Variants in TMEM230 observed in about 807,000 individuals in gnomAD.
The protein encoded by TMEM230 is transmembrane protein 230, also known as UPF0414 transmembrane protein C20orf30.
A neutral mutation model predicts 15.8 loss-of-function variants in TMEM230; 10 were observed. The observed-to-expected ratio is 0.63, with a 90% CI of 0.39 to 1.07. The LOEUF (loss-of-function observed/expected upper bound fraction) is 1.07, where lower values mean the gene tolerates loss of function less well. Among genes scored for constraint, TMEM230 ranks in the 50% least tolerant of loss-of-function variants. The pLI is 0.01. For missense variants in TMEM230, 165 were observed against 193.3 expected (o/e 0.85, Z 0.87); for synonymous variants, 67 against 76.9 (o/e 0.87, Z 0.68).
At chr20:5,110,026 C>T (rs184990393) in intron 2 of TMEM230, among the ~76,000 whole-genome samples, 25 of 152,118 alleles carry the variant, frequency 1.6e-4, no homozygotes, top group Admixed American at 9.8e-4. Flanking sequence ...AGTTTCTTGC[C>T]GTAAATTTGT....
chr20:5,102,716 T>G (rs1600385523), intron 4 of TMEM230, among the ~76,000 whole-genome samples: 1 of 146,316 alleles, frequency 6.8e-6, no homozygotes, highest in East Asian at 2.1e-4. Flanking sequence ...AAAAGAATAC[T>G]AATCCTACTG....
chr20:5,098,250 C>T (rs1381474134), downstream of TMEM230: 1 of 152,166 alleles, frequency 6.6e-6, no homozygotes, highest in Non-Finnish European at 1.5e-5. Context: ...GCGGGGATTA[C>T]AGGCATGAGC....
At chr20:5,093,907 A>G (rs2089586086) in intron 3 of TMEM230, among the ~76,000 whole-genome samples, 1 of 151,390 alleles carries the variant, frequency 6.6e-6, no homozygotes, top group African/African-American at 2.4e-5. Context: ...ATCCCAAAAC[A>G]GGGGAAACTT....
downstream of TMEM230, among the ~76,000 whole-genome samples, chr20:5,095,923 C>T (rs1447244129): frequency 6.6e-6 from 1 of 152,228 alleles, no homozygotes; most frequent in Non-Finnish European, 1.5e-5. Context: ...TCTGATGATG[C>T]TCCAGATCTA....
chr20:5,081,854 C>T (rs2089183125), intron 3 of TMEM230, among the ~76,000 whole-genome samples: 1 of 145,096 alleles, frequency 6.9e-6, no homozygotes, highest in African/African-American at 2.6e-5. Flanking sequence ...GTTTGAAATT[C>T]ACTGATTTTC....
At chr20:5,086,370 T>G (rs1178102156) in intron 3 of TMEM230, among the ~76,000 whole-genome samples, 3 of 151,584 alleles carry the variant, frequency 2.0e-5, no homozygotes, top group African/African-American at 7.3e-5. Flanking sequence ...AAGCCCCATC[T>G]CTACTAAAAA....
chr20:5,101,786 A>G (rs1404516621), intron 4 of TMEM230, among the ~76,000 whole-genome samples: 1 of 152,200 alleles, frequency 6.6e-6, no homozygotes, highest in Non-Finnish European at 1.5e-5. Flanking sequence ...CAACTTGGAC[A>G]CTGTGTATGT....
chr20:5,062,720 G>A, the TMEM230 span, among the ~76,000 whole-genome samples: 5 of 152,074 alleles, frequency 3.3e-5, no homozygotes, highest in Non-Finnish European at 5.9e-5. Context: ...CCCTGACAGT[G>A]CCACTGCATT....
the TMEM230 span, chr20:5,061,039 T>C: frequency 1.3e-5 from 2 of 152,318 alleles, no homozygotes; most frequent in South Asian, 4.1e-4. Flanking sequence ...CATGGGAGTG[T>C]AGTATACAGT....
the TMEM230 span, among the ~76,000 whole-genome samples, chr20:5,060,159 G>A: frequency 2.0e-5 from 3 of 151,902 alleles, no homozygotes; most frequent in African/African-American, 7.3e-5. Context: ...CAATCCTCCC[G>A]CCTTGGCCTC....
chr20:5,091,489 G>T (rs1164196903), intron 3 of TMEM230, among the ~76,000 whole-genome samples: 1 of 152,144 alleles, frequency 6.6e-6, no homozygotes, highest in Non-Finnish European at 1.5e-5. Flanking sequence ...GGGATTACAG[G>T]TGTGAGCCAC....
intron 3 of TMEM230, among the ~76,000 whole-genome samples, chr20:5,074,269 T>G (rs2088918366): frequency 6.6e-6 from 1 of 152,184 alleles, no homozygotes; most frequent in African/African-American, 2.4e-5. Context: ...AAATTTCCAT[T>G]TGTAAGGGTG....
intron 3 of TMEM230, chr20:5,069,485 G>A: frequency 2.3e-6 from 2 of 865,594 alleles, no homozygotes; most frequent in East Asian, 5.4e-5. Flanking sequence ...GTGTGAGGCA[G>A]GAGCTCAAGA....
Position 5,069,351 on chromosome 20 carries a change from T to C in TMEM230, c.223-2A>G. The C allele has an allele frequency of 1.3e-6, 2 of 1,529,182 alleles. No homozygotes were observed. The highest frequency in any genetic ancestry group is 1.7e-6 in the Non-Finnish European group (2 of 1,144,814). 94.7% of individuals were successfully genotyped at this position (1,529,182 alleles called of 1,614,324 possible). ...TTCCCGTGAGGTGGATTCGAGACTC[T>C]GAGAAAGAAACACCCCTTCTCAATT... is the stretch of plus-strand genomic sequence containing the variant. On this transcript the variant is annotated splice_acceptor_variant, in intron 3 of 3. Transcript: ENST00000612323. LOFTEE classifies it high-confidence loss of function.
rs185030483 is a variant in TMEM230, at chr20:5,073,173, T to G, written c.223-3824A>C. On this transcript the variant is annotated intron_variant, in intron 3 of 3. Transcript: ENST00000612323. Reference sequence around the variant, plus strand: ...TTATCCTTCTTCAAAGCAAGAGATCTGGACTTTCTTCCTCCCACACTATCA... The same window carrying G: ...TTATCCTTCTTCAAAGCAAGAGATCGGGACTTTCTTCCTCCCACACTATCA... Among the ~76,000 whole-genome samples, 47 of 152,272 alleles carry G rather than the reference T, an allele frequency of 3.1e-4. No individual in the cohort carries two copies. The East Asian group carries it at 7.9e-3, about 26-fold the overall frequency.
intron 3 of TMEM230, among the ~76,000 whole-genome samples, chr20:5,085,751 G>A (rs1029628330): frequency 2.0e-5 from 3 of 152,156 alleles, no homozygotes; most frequent in African/African-American, 7.2e-5. Flanking sequence ...TTTAGATGAT[G>A]AGCTGAGAGT....
chr20:5,107,369 T>C (rs912455540), intron 3 of TMEM230, among the ~76,000 whole-genome samples: 3 of 152,178 alleles, frequency 2.0e-5, no homozygotes, highest in Non-Finnish European at 4.4e-5. Context: ...GTCTTAAGTA[T>C]GTCCTACCAC....
intron 3 of TMEM230, among the ~76,000 whole-genome samples, chr20:5,088,037 G>T (rs2089400924): frequency 6.8e-6 from 1 of 147,562 alleles, no homozygotes; most frequent in Non-Finnish European, 1.5e-5. Flanking sequence ...GGCCAAGCAT[G>T]GTGGCTCACG....
At chr20:5,065,087 G>GA (rs1444541109), downstream of TMEM230, among the ~76,000 whole-genome samples, 1 of 151,604 alleles carries the variant, frequency 6.6e-6, no homozygotes, top group Non-Finnish European at 1.5e-5. Context: ...ATGAAAAGAT[G>GA]AAAAATATAG....
Sources: allele counts gnomAD v4.1 joint callset (sites outside exome capture counted in the v4.1 genomes callset), GRCh38; gene constraint gnomAD v4.1.1; transcripts MANE v1.5; gene names NCBI Gene and HGNC (gene_info 2026-07-23, HGNC 2026-07-21).